AGBL5: variants seen among roughly 807,000 people sequenced by gnomAD.
AGBL5 encodes the protein AGBL carboxypeptidase 5.
Under a neutral mutation model 88.0 loss-of-function variants are expected in AGBL5, and 51 were observed. That is an observed-to-expected ratio of 0.58 (90% CI 0.46 to 0.73). The LOEUF is 0.73. Ranked by LOEUF, AGBL5 falls within the 30% of genes least tolerant of loss-of-function variation. The pLI is 0.00. For missense variants in AGBL5, 1,031 were observed against 1,162.2 expected (o/e 0.89, Z 1.64); for synonymous variants, 446 against 438.8 (o/e 1.02, Z -0.21).
intron 11 of AGBL5, among the ~76,000 whole-genome samples, chr2:27,063,648 A>C (rs1558422168): frequency 6.6e-6 from 1 of 152,152 alleles, no homozygotes; most frequent in Admixed American, 6.5e-5. Context: ...AGAGGGCATA[A>C]ATCAGGTCTG....
At chr2:27,052,079 C>G (rs1438140464) in intron 1 of AGBL5, 1 of 152,426 alleles carries the variant, frequency 6.6e-6, no homozygotes. Context: ...CGGTTCCCCG[C>G]GAGTCGAGGG....
chr2:27,050,392 G>A (rs1256630745), upstream of AGBL5: 1 of 152,356 alleles, frequency 6.6e-6, no homozygotes, highest in Non-Finnish European at 1.5e-5. Context: ...CAGCCAAAGT[G>A]GCCCATCGGC....
intron 11 of AGBL5, among the ~76,000 whole-genome samples, chr2:27,059,711 C>T (rs1018265679): frequency 7.2e-5 from 11 of 152,184 alleles, no homozygotes; most frequent in Admixed American, 1.3e-4. Flanking sequence ...GGAGCCTCCA[C>T]GTCACGGACA....
Position 27,067,571 on chromosome 2 carries a change from G to C in AGBL5, c.2167G>C (p.Ala723Pro). The change falls in exon 12 of 15, where the codon GCT becomes CCT. Residue 723 changes from alanine to proline, a missense_variant. Ala to Pro is a conservative substitution (Grantham distance 27). Transcript: ENST00000360131. ...RPAGSLAPSP[A>P]PTSSGPASSH... ...TGCAGGCAGCCTCGCTCCATCCCCA[G>C]CTCCTACTAGTTCTGGCCCAGCCTC... 6.2e-7 allele frequency: 1 copy of C among 1,614,120 alleles called. No homozygotes were observed. Among genetic ancestry groups the C allele is most frequent in the Non-Finnish European group, 8.5e-7 (1 of 1,180,030 alleles).
At chr2:27,070,040 G>A in intron 14 of AGBL5, 52 bp from the exon 15 acceptor site, 2 of 1,577,292 alleles carry the variant, frequency 1.3e-6, no homozygotes, top group Admixed American at 1.8e-5. Flanking sequence ...TAGCAGAACA[G>A]AAGAGGAGGA....
At chr2:27,051,353 G>A (rs1022687325), upstream of AGBL5, 4 of 152,232 alleles carry the variant, frequency 2.6e-5, no homozygotes, top group Non-Finnish European at 5.9e-5. Flanking sequence ...AGTGGGCTAC[G>A]TGTTTCATTT....
intron 12 of AGBL5, chr2:27,067,879 T>G (rs1245514373): frequency 3.4e-6 from 2 of 585,516 alleles, no homozygotes; most frequent in Non-Finnish European, 6.3e-6. Flanking sequence ...TCTACACACT[T>G]AATCTCATTT....
intron 9 of AGBL5, 44 bp from the exon 10 acceptor site, chr2:27,058,356 G>A: frequency 6.2e-7 from 1 of 1,609,978 alleles, no homozygotes; most frequent in Non-Finnish European, 8.5e-7. Flanking sequence ...TAGCAGCCTG[G>A]ATGGGAGGAC....
chr2:27,058,291 A>T, intron 9 of AGBL5, 109 bp from the exon 10 acceptor site: 1 of 1,303,284 alleles, frequency 7.7e-7, no homozygotes, highest in Non-Finnish European at 1.1e-6. Flanking sequence ...CCAATGAGCA[A>T]ATTATAGGTC....
intron 10 of AGBL5, 104 bp from the exon 11 acceptor site, chr2:27,059,086 C>A (rs961789580): frequency 7.0e-6 from 8 of 1,142,380 alleles, no homozygotes; most frequent in Non-Finnish European, 8.8e-6. Context: ...GGTCCCTGTG[C>A]CTTTTTACCC....
At chr2:27,055,620 A>G (rs1668387962) in intron 6 of AGBL5, 62 bp from the exon 7 acceptor site, 5 of 1,462,894 alleles carry the variant, frequency 3.4e-6, no homozygotes, top group Non-Finnish European at 2.8e-6. Context: ...TTTCATCTAC[A>G]CTAGTGTCTC....
At chr2:27,065,639 A>C (rs936979853) in intron 11 of AGBL5, among the ~76,000 whole-genome samples, 2 of 152,238 alleles carry the variant, frequency 1.3e-5, no homozygotes, top group South Asian at 4.1e-4. Flanking sequence ...AGTACTTTAC[A>C]CATACTAACT....
At chr2:27,056,852 T>C in intron 8 of AGBL5, 60 bp downstream of exon 8, 6 of 1,506,526 alleles carry the variant, frequency 4.0e-6, no homozygotes, top group Non-Finnish European at 5.4e-6. Flanking sequence ...ACACCGTAGC[T>C]GGGTGTGGTG....
intron 13 of AGBL5, chr2:27,069,229 G>A (rs530151193): frequency 1.5e-6 from 2 of 1,351,822 alleles, no homozygotes; most frequent in African/African-American, 1.5e-5. Flanking sequence ...TCTGGCAGGG[G>A]CTAAAGCATA....
In AGBL5 at chr2:27,053,419, G is replaced by T. The variant is rs1244447235; in HGVS notation, c.233G>T (p.Ser78Ile). 6.2e-7 allele frequency: 1 copy of T among 1,613,942 alleles called. No individual in the cohort carries two copies. The highest frequency in any genetic ancestry group is 8.5e-7 in the Non-Finnish European group (1 of 1,180,018). Residue 78 changes from serine (S) to isoleucine (I), a missense_variant, in exon 3 of 15, where the codon AGC becomes ATC. Ser to Ile is a moderately radical substitution (Grantham distance 142). Around this residue, in one of 2 missense-constraint regions of AGBL5, gnomAD observed 540 missense variants for 678.2 expected, o/e 0.80. Coordinates refer to ENST00000360131, the MANE Select transcript of AGBL5 (RefSeq NM_021831.6). The surrounding 1 kb of genome is among the most constrained non-coding windows in gnomAD (Gnocchi z 4.9). The stretch of plus-strand genomic sequence containing the variant: ...GTCCTCAGGTCATGGTTCTACTTCA[G>T]CGTCCGGGGAGGAATGCCAGGAAAA... Reference protein sequence around the residue: ...ENGNRSWFYFSVRGGMPGKLI... With the variant: ...ENGNRSWFYFIVRGGMPGKLI...
Position 27,069,712 on chromosome 2 carries a change from C to T in AGBL5, c.2489+6C>T. 1.9e-6 allele frequency: 3 copies of T among 1,611,740 alleles called. No individual in the cohort carries two copies. Among genetic ancestry groups the T allele is most frequent in the Non-Finnish European group, 2.5e-6 (3 of 1,178,352 alleles). ...TCCTGCTCTGCTACACCAGGGTGAGCACTTGGGTCCAGTCCCTCACACCAC... is the reference window on the plus strand; with the variant it reads ...TCCTGCTCTGCTACACCAGGGTGAGTACTTGGGTCCAGTCCCTCACACCAC... On this transcript the variant is annotated splice_donor_region_variant and intron_variant, in intron 14 of 14. Transcript: ENST00000360131.
intron 1 of AGBL5, chr2:27,052,584 T>C (rs1668215592): frequency 6.2e-6 from 1 of 160,920 alleles, no homozygotes; most frequent in South Asian, 1.9e-4. Flanking sequence ...CTGACCTCTC[T>C]GATTATATTC....
At chr2:27,069,412 G>A in intron 13 of AGBL5, 161 bp from the exon 14 acceptor site, 1 of 984,546 alleles carries the variant, frequency 1.0e-6, no homozygotes, top group Non-Finnish European at 1.2e-6. Flanking sequence ...GACTTCTCTG[G>A]CTATTATCTT....
At position 27,059,236 on chromosome 2, in the gene AGBL5, A is replaced by G; in HGVS notation, c.1921A>G (p.Ser641Gly). The change falls in exon 11 of 15, where the codon AGT (serine) becomes GGT (glycine). Residue 641 changes from serine (S) to glycine (G), a missense_variant. Physicochemically the swap from Ser to Gly is moderately conservative, Grantham distance 56. Around this residue, in one of 2 missense-constraint regions of AGBL5, gnomAD observed 491 missense variants for 484.0 expected, o/e 1.01. Transcript: ENST00000360131. ...CSENTLSRAR[S>G]FSTGTSAGGS... ...CGAAAACACCTTGAGTCGGGCACGA[A>G]GTTTTAGCACCGGCACAAGTGCCGG... 1 of 1,614,028 alleles carries G rather than the reference A, an allele frequency of 6.2e-7. No individual in the cohort carries two copies. Among genetic ancestry groups the G allele is most frequent in the Non-Finnish European group, 8.5e-7 (1 of 1,180,010 alleles).
Sources: allele counts gnomAD v4.1 joint callset (sites outside exome capture counted in the v4.1 genomes callset), GRCh38; gene constraint gnomAD v4.1.1; regional missense constraint gnomAD v4.1.1; non-coding constraint Gnocchi (gnomAD v3.1); transcripts MANE v1.5; gene names NCBI Gene and HGNC (gene_info 2026-07-23, HGNC 2026-07-21).